Variants in SIDT1 observed in about 807,000 individuals in gnomAD.
SIDT1 encodes SID1 transmembrane family, member 1.
SIDT1 carries 101 observed loss-of-function variants against 107.5 expected under a neutral mutation model. The observed-to-expected ratio is 0.94, with a 90% CI of 0.80 to 1.11. The LOEUF (loss-of-function observed/expected upper bound fraction) is 1.11. SIDT1 is among the 50% of genes least tolerant of loss of function. The pLI, the probability that SIDT1 is intolerant of heterozygous loss-of-function variation, is 0.00. For missense variants in SIDT1, 1,076 were observed against 1,058.2 expected (o/e 1.02, Z -0.23); for synonymous variants, 395 against 398.2 (o/e 0.99, Z 0.10).
chr3:113,594,207 CT>C (rs1385660086), intron 10 of SIDT1, among the ~76,000 whole-genome samples: 2 of 152,124 alleles, frequency 1.3e-5, no homozygotes, highest in Non-Finnish European at 2.9e-5. Context: ...TAATGTTTGT[CT>C]TCCTTAATGT....
At chr3:113,557,142 G>A (rs985786285) in intron 1 of SIDT1, among the ~76,000 whole-genome samples, 1 of 152,180 alleles carries the variant, frequency 6.6e-6, no homozygotes, top group African/African-American at 2.4e-5. Context: ...GCAAGGTTCA[G>A]CACATTTATG....
intron 1 of SIDT1, among the ~76,000 whole-genome samples, chr3:113,544,365 T>A (rs1939323666): frequency 6.6e-6 from 1 of 152,082 alleles, no homozygotes; most frequent in African/African-American, 2.4e-5. Context: ...TAATTTTTTG[T>A]ATTTTAGTAG....
At chr3:113,633,220 A>G (rs976638356), downstream of SIDT1, among the ~76,000 whole-genome samples, 1 of 152,090 alleles carries the variant, frequency 6.6e-6, no homozygotes, top group Admixed American at 6.6e-5. Flanking sequence ...AAACACAGAA[A>G]TAAAGTAATT....
At chr3:113,577,447 G>A (rs1173391641) in intron 4 of SIDT1, among the ~76,000 whole-genome samples, 2 of 152,160 alleles carry the variant, frequency 1.3e-5, no homozygotes, top group Admixed American at 1.3e-4. Context: ...TGTTTACAAT[G>A]TTATAAGTGT....
chr3:113,568,685 G>T (rs1942165449), intron 3 of SIDT1, among the ~76,000 whole-genome samples: 1 of 151,860 alleles, frequency 6.6e-6, no homozygotes, highest in African/African-American at 2.4e-5. Context: ...CTACCAAATT[G>T]CTATAATTTG....
chr3:113,555,524 C>G (rs1371048815), intron 1 of SIDT1, among the ~76,000 whole-genome samples: 1 of 152,212 alleles, frequency 6.6e-6, no homozygotes, highest in Admixed American at 6.5e-5. Flanking sequence ...GATTATCCTT[C>G]TCCTCAATGT....
intron 20 of SIDT1, among the ~76,000 whole-genome samples, chr3:113,618,179 T>C (rs983406418): frequency 1.3e-5 from 2 of 152,224 alleles, no homozygotes; most frequent in African/African-American, 4.8e-5. Flanking sequence ...ATACAGTATA[T>C]AGCCATTTCA....
intron 17 of SIDT1, among the ~76,000 whole-genome samples, chr3:113,610,399 T>C (rs1371764313): frequency 2.0e-5 from 3 of 152,256 alleles, no homozygotes; most frequent in Admixed American, 1.3e-4. Flanking sequence ...TAACGTTTAT[T>C]ACTGTCAGAC....
intron 20 of SIDT1, among the ~76,000 whole-genome samples, chr3:113,617,434 T>C (rs1312465153): frequency 6.6e-6 from 1 of 152,182 alleles, no homozygotes; most frequent in Non-Finnish European, 1.5e-5. Flanking sequence ...GCCCCAGGCT[T>C]TACAAAGTGC....
At chr3:113,596,819 AAGAGG>A (rs1560096623) in intron 10 of SIDT1, among the ~76,000 whole-genome samples, 1 of 152,212 alleles carries the variant, frequency 6.6e-6, no homozygotes, top group Non-Finnish European at 1.5e-5. Context: ...GGTACAACAG[AAGAGG>A]AGGTTACTTT....
chr3:113,580,990 C>A (rs1203342558), intron 5 of SIDT1, among the ~76,000 whole-genome samples: 1 of 152,084 alleles, frequency 6.6e-6, no homozygotes, highest in Non-Finnish European at 1.5e-5. Context: ...CCAGGAAGAC[C>A]AAGTTGTGGG....
At chr3:113,586,280 T>C (rs1943738217) in intron 9 of SIDT1, among the ~76,000 whole-genome samples, 1 of 151,984 alleles carries the variant, frequency 6.6e-6, no homozygotes, top group African/African-American at 2.4e-5. Context: ...TTGGAAAAAA[T>C]AGAAGTGTAT....
At chr3:113,584,597 T>C in intron 7 of SIDT1, 101 bp from the exon 8 acceptor site, 1 of 763,868 alleles carries the variant, frequency 1.3e-6, no homozygotes, top group Admixed American at 2.6e-5. Context: ...TGATCAGAAT[T>C]AATTCTGGAC....
At chr3:113,589,206 A>G (rs921683324) in intron 9 of SIDT1, among the ~76,000 whole-genome samples, 2 of 152,202 alleles carry the variant, frequency 1.3e-5, no homozygotes, top group African/African-American at 4.8e-5. Flanking sequence ...AAAGAGCTGG[A>G]TATAAGGTGA....
intron 24 of SIDT1, among the ~76,000 whole-genome samples, chr3:113,627,091 A>G (rs944820665): frequency 1.3e-5 from 2 of 152,236 alleles, no homozygotes; most frequent in African/African-American, 4.8e-5. Context: ...GTGGGGCAGT[A>G]GTAGTCAAAT....
At chr3:113,603,916 G>C (rs770860758) in intron 12 of SIDT1, 44 bp from the exon 13 acceptor site, 4 of 1,354,362 alleles carry the variant, frequency 3.0e-6, no homozygotes, top group East Asian at 2.3e-5. Flanking sequence ...CATGCATAAA[G>C]AGCTGAGTAC....
intron 18 of SIDT1, among the ~76,000 whole-genome samples, chr3:113,611,562 C>T (rs988136098): frequency 2.0e-5 from 3 of 152,224 alleles, no homozygotes; most frequent in Non-Finnish European, 2.9e-5. Flanking sequence ...ACCTCATGAT[C>T]TGCCCACCTC....
At chr3:113,556,316 T>A (rs1389742864) in intron 1 of SIDT1, among the ~76,000 whole-genome samples, 3 of 152,158 alleles carry the variant, frequency 2.0e-5, no homozygotes, top group African/African-American at 7.2e-5. Flanking sequence ...GTGTAACTTG[T>A]GATGGAAGTA....
chr3:113,553,550 C>T (rs1287408019), intron 1 of SIDT1, among the ~76,000 whole-genome samples: 1 of 152,076 alleles, frequency 6.6e-6, no homozygotes, highest in Non-Finnish European at 1.5e-5. Flanking sequence ...ATTATTTTTC[C>T]TTTTTCAATC....
Sources: allele counts gnomAD v4.1 joint callset (sites outside exome capture counted in the v4.1 genomes callset), GRCh38; gene constraint gnomAD v4.1.1; transcripts MANE v1.5; gene names NCBI Gene and HGNC (gene_info 2026-07-23, HGNC 2026-07-21).